GRID2: variants seen among roughly 807,000 people sequenced by gnomAD.
GRID2 encodes glutamate ionotropic receptor delta type subunit 2.
GRID2 carries 33 observed loss-of-function variants against 114.8 expected under a neutral mutation model. That is an observed-to-expected ratio of 0.29 (90% CI 0.22 to 0.38). The LOEUF is 0.38. GRID2 is among the 10% of genes least tolerant of loss of function. The pLI, the probability that GRID2 is intolerant of heterozygous loss-of-function variation, is 1.00. For missense variants in GRID2, 1,184 were observed against 1,257.7 expected (o/e 0.94, Z 0.89); for synonymous variants, 505 against 449.9 (o/e 1.12, Z -1.55).
At chr4:92,579,908 T>C (rs1303372332) in intron 1 of GRID2, among the ~76,000 whole-genome samples, 2 of 148,176 alleles carry the variant, frequency 1.3e-5, no homozygotes, top group African/African-American at 2.4e-5. Flanking sequence ...TGAAACTGAG[T>C]CTATTATACT....
intron 8 of GRID2, among the ~76,000 whole-genome samples, chr4:93,286,907 G>GA (rs1156392464): frequency 6.6e-6 from 1 of 151,972 alleles, no homozygotes; most frequent in East Asian, 1.9e-4. Flanking sequence ...TATCTATATA[G>GA]AAAAATTAGA....
chr4:93,129,438 T>G (rs1734594573), intron 4 of GRID2, among the ~76,000 whole-genome samples: 1 of 152,170 alleles, frequency 6.6e-6, no homozygotes, highest in Non-Finnish European at 1.5e-5. Flanking sequence ...TAGCATTTCT[T>G]TTCCCCTTTC....
chr4:92,886,950 GA>G (rs1016003908), intron 2 of GRID2, among the ~76,000 whole-genome samples: 16 of 148,548 alleles, frequency 1.1e-4, no homozygotes, highest in South Asian at 4.3e-4. Context: ...TTTTTTGGGG[GA>G]AAAAAAAAAC....
chr4:93,237,416 A>ATAT (rs1426770496), intron 7 of GRID2, among the ~76,000 whole-genome samples: 1 of 151,910 alleles, frequency 6.6e-6, no homozygotes, highest in Non-Finnish European at 1.5e-5. Flanking sequence ...AAATAGCATA[A>ATAT]TATTACTACC....
chr4:93,402,660 A>G (rs1318121569), intron 9 of GRID2, among the ~76,000 whole-genome samples: 1 of 152,164 alleles, frequency 6.6e-6, no homozygotes, highest in African/African-American at 2.4e-5. Context: ...CTCTTCTGCC[A>G]GTGAAGCTGG....
chr4:93,201,148 G>A (rs988247809), intron 4 of GRID2, among the ~76,000 whole-genome samples: 1 of 152,122 alleles, frequency 6.6e-6, no homozygotes, highest in Non-Finnish European at 1.5e-5. Flanking sequence ...ATCAATCAGT[G>A]AAATAGTATA....
At chr4:92,860,984 G>A (rs1161616816) in intron 2 of GRID2, among the ~76,000 whole-genome samples, 3 of 152,004 alleles carry the variant, frequency 2.0e-5, no homozygotes, top group African/African-American at 7.2e-5. Context: ...AATATGTTAA[G>A]TTTAAATAAA....
chr4:92,372,486 G>A (rs187948549), intron 1 of GRID2, among the ~76,000 whole-genome samples: 14 of 152,232 alleles, frequency 9.2e-5, no homozygotes, highest in Admixed American at 5.9e-4. Context: ...CTCACAGAAG[G>A]TTCAGATGGT....
At chr4:92,454,699 G>T (rs542653149) in intron 1 of GRID2, among the ~76,000 whole-genome samples, 1 of 152,296 alleles carries the variant, frequency 6.6e-6, no homozygotes, top group East Asian at 1.9e-4. Flanking sequence ...AGCCGGGCGT[G>T]TTGGCAGGCG....
At chr4:92,406,593 T>G (rs1731038092) in intron 1 of GRID2, among the ~76,000 whole-genome samples, 3 of 151,936 alleles carry the variant, frequency 2.0e-5, no homozygotes, top group South Asian at 4.1e-4. Flanking sequence ...CATGCAAGTT[T>G]GTTACATGGG....
chr4:93,716,170 A>G (rs1374060679), intron 14 of GRID2, among the ~76,000 whole-genome samples: 1 of 152,198 alleles, frequency 6.6e-6, no homozygotes, highest in Non-Finnish European at 1.5e-5. Context: ...GGTATATAAG[A>G]GTAAATATGT....
intron 1 of GRID2, among the ~76,000 whole-genome samples, chr4:92,491,910 G>T (rs928090643): frequency 1.3e-5 from 2 of 152,064 alleles, no homozygotes; most frequent in African/African-American, 4.8e-5. Flanking sequence ...AACCACTTCA[G>T]TAATGCCTTT....
At chr4:93,192,618 G>A (rs936366509) in intron 4 of GRID2, among the ~76,000 whole-genome samples, 1 of 151,904 alleles carries the variant, frequency 6.6e-6, no homozygotes, top group Non-Finnish European at 1.5e-5. Flanking sequence ...ATGGTGGCAG[G>A]TGCCTCTAAT....
At chr4:93,089,390 A>G (rs913806643) in intron 3 of GRID2, among the ~76,000 whole-genome samples, 1 of 152,178 alleles carries the variant, frequency 6.6e-6, no homozygotes, top group African/African-American at 2.4e-5. Context: ...TCATTGGGAC[A>G]AAACAGGCTG....
chr4:92,394,976 A>G (rs1338560390), intron 1 of GRID2, among the ~76,000 whole-genome samples: 1 of 151,620 alleles, frequency 6.6e-6, no homozygotes, highest in Non-Finnish European at 1.5e-5. Context: ...GATAATAAAA[A>G]GGAATCTATA....
chr4:93,465,032 A>G (rs1250358914), intron 11 of GRID2, among the ~76,000 whole-genome samples: 1 of 152,204 alleles, frequency 6.6e-6, no homozygotes, highest in African/African-American at 2.4e-5. Flanking sequence ...AACTAGTCAC[A>G]GAGGTGAATA....
At chr4:92,964,053 T>G (rs969544227) in intron 2 of GRID2, among the ~76,000 whole-genome samples, 1 of 152,006 alleles carries the variant, frequency 6.6e-6, no homozygotes, top group African/African-American at 2.4e-5. Flanking sequence ...CAGGAAACCA[T>G]GCTGTAAACA....
At chr4:92,655,668 T>C (rs560528518) in intron 2 of GRID2, among the ~76,000 whole-genome samples, 6 of 151,934 alleles carry the variant, frequency 3.9e-5, no homozygotes, top group Admixed American at 1.3e-4. Flanking sequence ...TGATTTTTTT[T>C]CATCTACTTC....
At chr4:92,557,278 C>T (rs1371826327) in intron 1 of GRID2, among the ~76,000 whole-genome samples, 1 of 151,674 alleles carries the variant, frequency 6.6e-6, no homozygotes, top group African/African-American at 2.4e-5. Flanking sequence ...CTTGTAAACA[C>T]AAACATTCAT....
Sources: gnomAD v4.1 joint callset for allele counts (sites outside exome capture counted in the v4.1 genomes callset) on GRCh38, gnomAD v4.1.1 for gene constraint, MANE v1.5 for transcripts, NCBI Gene and HGNC (gene_info 2026-07-23, HGNC 2026-07-21) for gene names.